Variants in HS3ST4 observed in about 807,000 individuals in gnomAD.
The protein encoded by HS3ST4 is heparan sulfate-glucosamine 3-sulfotransferase 4.
Under a neutral mutation model 29.2 loss-of-function variants are expected in HS3ST4, and 17 were observed. The ratio of observed to expected loss-of-function variants is 0.58; its 90% confidence interval spans 0.40 to 0.87. The LOEUF is 0.87. Among genes scored for constraint, HS3ST4 ranks in the 40% least tolerant of loss-of-function variants. The pLI is 0.00. For synonymous variants in HS3ST4, 314 were observed against 285.7 expected, an observed-to-expected ratio of 1.10 and a Z score of -1.00; for missense variants, 627 against 634.5, an observed-to-expected ratio of 0.99 and a Z score of 0.13.
chr16:26,096,322 A>G (rs1898925412), intron 1 of HS3ST4, among the ~76,000 whole-genome samples: 1 of 152,200 alleles, frequency 6.6e-6, no homozygotes, highest in Admixed American at 6.5e-5. Flanking sequence ...TATCCCTGAT[A>G]AATATCAATG....
chr16:26,010,764 AG>A (rs1969303094), intron 1 of HS3ST4, among the ~76,000 whole-genome samples: 4 of 152,226 alleles, frequency 2.6e-5, no homozygotes, highest in Admixed American at 6.5e-5. Flanking sequence ...TTCACAGAGG[AG>A]GCCATGTCTC....
chr16:26,136,111 A>G lies in HS3ST4; in HGVS notation c.1234A>G (p.Ser412Gly), dbSNP rs1304299230. 1 of 1,613,576 alleles carries G rather than the reference A, an allele frequency of 6.2e-7. No individual in the cohort carries two copies. The highest frequency in any genetic ancestry group is 8.5e-7 in the Non-Finnish European group (1 of 1,179,756). Residue 412 changes from serine to glycine, a missense_variant, in exon 2 of 2, where the codon AGC (serine) becomes GGC (glycine). Around this residue, in one of 2 missense-constraint regions of HS3ST4, gnomAD observed 225 missense variants for 293.7 expected, o/e 0.77. Coordinates refer to ENST00000331351, the MANE Select transcript of HS3ST4 (RefSeq NM_006040.3). ...CAGTGCCCCGAGGTGCTTAGGCAAG[A>G]GCAAAGGTCGGACTCATCCTCGCAT... is the stretch of plus-strand genomic sequence containing the variant. ...DSSAPRCLGK[S>G]KGRTHPRIDP...
chr16:26,091,873 C>T (rs1242915936), intron 1 of HS3ST4, among the ~76,000 whole-genome samples: 4 of 152,128 alleles, frequency 2.6e-5, no homozygotes, highest in South Asian at 2.1e-4. Context: ...ATTTATTGAG[C>T]GCCTGCTCTG....
At chr16:25,848,627 ATTG>A (rs2141648443) in intron 1 of HS3ST4, among the ~76,000 whole-genome samples, 2 of 151,970 alleles carry the variant, frequency 1.3e-5, no homozygotes, top group East Asian at 3.9e-4. Flanking sequence ...CATTCTGAAG[ATTG>A]TTATTTGTGC....
At chr16:25,798,178 T>G (rs1241403906) in intron 1 of HS3ST4, among the ~76,000 whole-genome samples, 1 of 152,116 alleles carries the variant, frequency 6.6e-6, no homozygotes, top group Non-Finnish European at 1.5e-5. Flanking sequence ...TCTCTAAGAG[T>G]GCAGAGAATT....
intron 1 of HS3ST4, among the ~76,000 whole-genome samples, chr16:25,778,250 A>T (rs1041245872): frequency 4.6e-5 from 7 of 152,122 alleles, no homozygotes; most frequent in African/African-American, 1.7e-4. Flanking sequence ...ATCTCCAGGG[A>T]TGTTGGCCAT....
intron 1 of HS3ST4, among the ~76,000 whole-genome samples, chr16:26,101,899 T>A (rs553965648): frequency 3.9e-5 from 6 of 152,294 alleles, no homozygotes; most frequent in African/African-American, 1.4e-4. Context: ...ATCTTCTCTA[T>A]CTCTTTTGCG....
chr16:25,888,201 C>A (rs2141667406), intron 1 of HS3ST4, among the ~76,000 whole-genome samples: 1 of 152,228 alleles, frequency 6.6e-6, no homozygotes, highest in African/African-American at 2.4e-5. Context: ...ACGGTTAGGT[C>A]TTTCTTAGTT....
chr16:25,992,832 A>G (rs1225256479), intron 1 of HS3ST4, among the ~76,000 whole-genome samples: 2 of 152,196 alleles, frequency 1.3e-5, no homozygotes, highest in Non-Finnish European at 2.9e-5. Flanking sequence ...CCCAAGCCAC[A>G]CTTGCTCCAG....
At chr16:25,796,100 A>G (rs929024568) in intron 1 of HS3ST4, among the ~76,000 whole-genome samples, 1 of 152,128 alleles carries the variant, frequency 6.6e-6, no homozygotes, top group African/African-American at 2.4e-5. Context: ...AGCCCTTGCT[A>G]ATTAGGCAGC....
At chr16:25,814,152 G>A (rs1967068986) in intron 1 of HS3ST4, among the ~76,000 whole-genome samples, 1 of 152,174 alleles carries the variant, frequency 6.6e-6, no homozygotes, top group African/African-American at 2.4e-5. Flanking sequence ...TGTTTTCAGT[G>A]GAGGCTAAAT....
chr16:25,879,575 T>G (rs1456729957), intron 1 of HS3ST4, among the ~76,000 whole-genome samples: 2 of 152,106 alleles, frequency 1.3e-5, no homozygotes, highest in Non-Finnish European at 2.9e-5. Flanking sequence ...ACCCCCATGA[T>G]TCAGTCATCT....
intron 1 of HS3ST4, among the ~76,000 whole-genome samples, chr16:25,939,654 T>G (rs1968554110): frequency 6.6e-6 from 1 of 152,130 alleles, no homozygotes; most frequent in Non-Finnish European, 1.5e-5. Context: ...TTTTGAAAGG[T>G]AAACATCCTG....
intron 1 of HS3ST4, among the ~76,000 whole-genome samples, chr16:26,001,874 A>T (rs775266373): frequency 6.6e-6 from 1 of 152,156 alleles, no homozygotes; most frequent in Admixed American, 6.6e-5. Flanking sequence ...GGGTATTGCA[A>T]TAGCTCAACC....
chr16:25,937,196 A>G (rs1221678177), intron 1 of HS3ST4, among the ~76,000 whole-genome samples: 1 of 152,108 alleles, frequency 6.6e-6, no homozygotes, highest in Non-Finnish European at 1.5e-5. Context: ...CAAAAGAGAA[A>G]GTAGGTGGAA....
intron 1 of HS3ST4, among the ~76,000 whole-genome samples, chr16:25,988,199 A>G (rs1471950224): frequency 6.6e-6 from 1 of 152,182 alleles, no homozygotes; most frequent in Non-Finnish European, 1.5e-5. Context: ...GGGCCCGCTC[A>G]CATCCTATTA....
chr16:25,841,586 G>A (rs941647395), intron 1 of HS3ST4, among the ~76,000 whole-genome samples: 2 of 152,204 alleles, frequency 1.3e-5, no homozygotes, highest in African/African-American at 4.8e-5. Flanking sequence ...TGCCTGGCCT[G>A]TATTTAATTT....
intron 1 of HS3ST4, among the ~76,000 whole-genome samples, chr16:26,090,462 C>A (rs1447819479): frequency 6.6e-6 from 1 of 151,982 alleles, no homozygotes; most frequent in South Asian, 2.1e-4. Flanking sequence ...AGAGGATCAT[C>A]CATTCTTTTT....
At chr16:25,938,008 G>A (rs1040440284) in intron 1 of HS3ST4, among the ~76,000 whole-genome samples, 3 of 152,116 alleles carry the variant, frequency 2.0e-5, no homozygotes, top group Non-Finnish European at 2.9e-5. Flanking sequence ...TGGGCTTTCT[G>A]GGGCAACCAG....
Sources: allele counts gnomAD v4.1 joint callset (sites outside exome capture counted in the v4.1 genomes callset), GRCh38; gene constraint gnomAD v4.1.1; regional missense constraint gnomAD v4.1.1; transcripts MANE v1.5; gene names NCBI Gene and HGNC (gene_info 2026-07-23, HGNC 2026-07-21).